Variants in NRXN3 observed in about 807,000 individuals in gnomAD.
NRXN3 encodes neurexin 3, also known as neurexin III.
NRXN3 carries 32 observed loss-of-function variants against 137.6 expected under a neutral mutation model. The ratio of observed to expected loss-of-function variants is 0.23; its 90% CI spans 0.18 to 0.31. The LOEUF (loss-of-function observed/expected upper bound fraction) is 0.31. Among genes scored for constraint, NRXN3 ranks in the 10% least tolerant of loss-of-function variants. NRXN3 has a pLI of 1.00. For missense variants in NRXN3, 1,574 were observed against 2,062.5 expected, an observed-to-expected ratio of 0.76 and a Z score of 4.59; for synonymous variants, 798 against 784.5, an observed-to-expected ratio of 1.02 and a Z score of -0.29.
intron 4 of NRXN3, among the ~76,000 whole-genome samples, chr14:78,428,568 G>A (rs1379236574): frequency 6.6e-6 from 1 of 152,180 alleles, no homozygotes; most frequent in Non-Finnish European, 1.5e-5. Context: ...GACAGTGAGA[G>A]AGGACAGAAG....
intron 8 of NRXN3, among the ~76,000 whole-genome samples, chr14:78,780,907 C>G (rs1482118898): frequency 1.3e-5 from 2 of 152,158 alleles, no homozygotes; most frequent in African/African-American, 4.8e-5. Flanking sequence ...TGAAGCTACA[C>G]ATGACATTTG....
At chr14:78,900,668 C>T (rs2099193048) in intron 10 of NRXN3, among the ~76,000 whole-genome samples, 1 of 151,868 alleles carries the variant, frequency 6.6e-6, no homozygotes, top group African/African-American at 2.4e-5. Context: ...TACAGATGCC[C>T]TTCACTTTAA....
At chr14:79,110,708 AG>A in intron 15 of NRXN3, among the ~76,000 whole-genome samples, 1 of 152,202 alleles carries the variant, frequency 6.6e-6, no homozygotes, top group Middle Eastern at 3.4e-3. Flanking sequence ...AGATGAATAA[AG>A]GGTCCTGGGA....
chr14:79,533,266 A>C (rs962924582), intron 16 of NRXN3, among the ~76,000 whole-genome samples: 4 of 152,164 alleles, frequency 2.6e-5, no homozygotes, highest in African/African-American at 7.2e-5. Context: ...ATGTTAAAGC[A>C]AGCAGTCCAA....
At chr14:78,173,939 C>T (rs565262867) in intron 1 of NRXN3, among the ~76,000 whole-genome samples, 1 of 151,926 alleles carries the variant, frequency 6.6e-6, no homozygotes, top group Non-Finnish European at 1.5e-5. Flanking sequence ...TCCTTCCCCC[C>T]ATCTTTGCAT....
At position 78,189,680 on chromosome 14, in the gene NRXN3, G is replaced by T. The variant is rs547841858; in HGVS notation, c.-704+19006G>T. ...CGGCTCACTGCAACCTCCACTTCCGGGTTTGAGCAATTCTCCTGCCTCAGC... is the reference window on the plus strand; with the variant it reads ...CGGCTCACTGCAACCTCCACTTCCGTGTTTGAGCAATTCTCCTGCCTCAGC... On this transcript the variant is annotated intron_variant, in intron 1 of 20. Coordinates refer to ENST00000335750, the MANE Select transcript of NRXN3 (RefSeq NM_001330195.2). Among the ~76,000 whole-genome samples, 8 of 152,196 alleles carry T rather than the reference G, an allele frequency of 5.3e-5. No individual in the cohort carries two copies. In the East Asian group the frequency reaches 1.5e-3, roughly 29 times the overall value.
chr14:78,365,918 C>T (rs565419067), intron 4 of NRXN3, among the ~76,000 whole-genome samples: 8 of 152,200 alleles, frequency 5.3e-5, no homozygotes, highest in East Asian at 1.9e-4. Flanking sequence ...TGGAGAAAAG[C>T]GTAAAATATA....
intron 4 of NRXN3, among the ~76,000 whole-genome samples, chr14:78,589,723 G>A (rs2097099156): frequency 6.6e-6 from 1 of 152,170 alleles, no homozygotes; most frequent in South Asian, 2.1e-4. Context: ...GGACATGCCT[G>A]GGGCAGCAGG....
chr14:79,756,614 C>T (rs1232894010), intron 19 of NRXN3, among the ~76,000 whole-genome samples: 4 of 152,154 alleles, frequency 2.6e-5, no homozygotes, highest in African/African-American at 9.7e-5. Context: ...TGTTTTCCAG[C>T]CTGTGCCAAA....
At chr14:78,208,070 C>T (rs2062384129) in intron 1 of NRXN3, among the ~76,000 whole-genome samples, 2 of 152,126 alleles carry the variant, frequency 1.3e-5, no homozygotes, top group South Asian at 4.1e-4. Context: ...TATAATCTGT[C>T]TGTTCTTCAA....
intron 15 of NRXN3, among the ~76,000 whole-genome samples, chr14:79,323,586 G>A (rs555038256): frequency 3.3e-4 from 51 of 152,284 alleles, no homozygotes; most frequent in African/African-American, 7.5e-4. Flanking sequence ...TAGGCCGGGC[G>A]TGGTGGCTCA....
intron 1 of NRXN3, among the ~76,000 whole-genome samples, chr14:78,190,610 CATTTATTTATTT>C (rs753449383): frequency 7.4e-4 from 109 of 146,756 alleles, no homozygotes; most frequent in Middle Eastern, 3.5e-3. Flanking sequence ...GTGTCAGTAA[CATTTATTTATTT>C]ATTTATTTAT....
At chr14:79,615,522 T>TA (rs1389895654) in intron 16 of NRXN3, among the ~76,000 whole-genome samples, 2 of 152,192 alleles carry the variant, frequency 1.3e-5, no homozygotes, top group African/African-American at 4.8e-5. Flanking sequence ...CACATTGCTA[T>TA]AAAAAACTGT....
intron 15 of NRXN3, among the ~76,000 whole-genome samples, chr14:79,056,479 C>G (rs1329018277): frequency 2.0e-5 from 3 of 151,912 alleles, no homozygotes; most frequent in African/African-American, 4.8e-5. Flanking sequence ...TAACAACTAA[C>G]TAAAATCAGT....
At chr14:78,572,788 T>C (rs2096901850) in intron 4 of NRXN3, among the ~76,000 whole-genome samples, 1 of 152,222 alleles carries the variant, frequency 6.6e-6, no homozygotes, top group African/African-American at 2.4e-5. Context: ...GTTCTTCTCT[T>C]AATTCAGCCC....
chr14:79,189,682 G>A (rs1283466929), intron 15 of NRXN3, among the ~76,000 whole-genome samples: 2 of 152,086 alleles, frequency 1.3e-5, no homozygotes, highest in East Asian at 3.9e-4. Context: ...TCCTAGCAGG[G>A]TACATGCAAT....
chr14:79,191,759 G>A (rs2064358380), intron 15 of NRXN3, among the ~76,000 whole-genome samples: 1 of 152,128 alleles, frequency 6.6e-6, no homozygotes, highest in African/African-American at 2.4e-5. Flanking sequence ...TACAGCAGGT[G>A]ATTAAAATAT....
chr14:78,278,443 G>A (rs1292815268), intron 2 of NRXN3, among the ~76,000 whole-genome samples: 4 of 152,172 alleles, frequency 2.6e-5, no homozygotes, highest in Admixed American at 2.0e-4. Context: ...AGGGAGCTTG[G>A]CCCCTCGGCT....
chr14:78,943,678 A>C (rs186521917), intron 10 of NRXN3, among the ~76,000 whole-genome samples: 3,091 of 102,344 alleles, frequency 0.03, 331 homozygotes, highest in African/African-American at 0.099. Context: ...ATATATATAT[A>C]TCTCAAAGAA....
Sources: allele counts gnomAD v4.1 joint callset (sites outside exome capture counted in the v4.1 genomes callset), GRCh38; gene constraint gnomAD v4.1.1; transcripts MANE v1.5; gene names NCBI Gene and HGNC (gene_info 2026-07-23, HGNC 2026-07-21).